Variants in ARHGAP20 observed in about 807,000 individuals in gnomAD.
ARHGAP20 encodes Rho GTPase activating protein 20.
A neutral mutation model predicts 73.7 loss-of-function variants in ARHGAP20; 34 were observed. The ratio of observed to expected loss-of-function variants is 0.46; its 90% CI spans 0.35 to 0.61. The LOEUF (loss-of-function observed/expected upper bound fraction) is 0.61. Ranked by LOEUF, ARHGAP20 falls within the 20% of genes least tolerant of loss-of-function variation. The pLI is 0.00. For missense variants in ARHGAP20, 1,314 were observed against 1,420.9 expected, an observed-to-expected ratio of 0.92 and a Z score of 1.21; for synonymous variants, 523 against 518.2, an observed-to-expected ratio of 1.01 and a Z score of -0.13.
chr11:110,636,033 T>C (rs1359475470), intron 2 of ARHGAP20, among the ~76,000 whole-genome samples: 2 of 152,144 alleles, frequency 1.3e-5, no homozygotes, highest in African/African-American at 2.4e-5. Flanking sequence ...AAATCATCTT[T>C]TGCATTTTGG....
rs904344387 is a variant in ARHGAP20, at chr11:110,712,383, C to A, written c.-152G>T. The A allele has an allele frequency of 9.2e-5, 44 of 480,258 alleles. No individual in the cohort carries two copies. In the Admixed American group the frequency reaches 1.0e-3, roughly 11 times the overall value. The allele number at this position is 480,258 out of a possible 1,614,324, so 29.7% of individuals were successfully genotyped here. ...CTCCGGGTGCTCGCCGCGCGCCTCC[C>A]GTCGGGGCCATGTACCTCCGCCTGC... is the stretch of plus-strand genomic sequence containing the variant. On this transcript the variant is annotated 5_prime_UTR_variant, in exon 1 of 15. Transcript: ENST00000683387.
chr11:110,649,201 CTTTTTT>C (rs869156175), intron 2 of ARHGAP20, among the ~76,000 whole-genome samples: 2 of 87,090 alleles, frequency 2.3e-5, no homozygotes, highest in Non-Finnish European at 4.3e-5. Context: ...ATTATTAAAC[CTTTTTT>C]TTTTTTTTTT....
chr11:110,607,541 G>A (rs1054143081), intron 8 of ARHGAP20, among the ~76,000 whole-genome samples: 3 of 152,098 alleles, frequency 2.0e-5, no homozygotes. Context: ...AGTACAGAGA[G>A]CAAGTTCCCT....
chr11:110,683,512 C>T (rs1950074896), intron 2 of ARHGAP20, among the ~76,000 whole-genome samples: 1 of 152,112 alleles, frequency 6.6e-6, no homozygotes, highest in Non-Finnish European at 1.5e-5. Flanking sequence ...TTCACTAATT[C>T]ATCCAACAAA....
At position 110,589,108 on chromosome 11, in the gene ARHGAP20, T is replaced by C. The variant is rs117552554; in HGVS notation, c.1305+1540A>G. ...AAACAAAAAAACACAAGCTTTACCT[T>C]TGTAAACTAAGAGATATATATAAAA... is the stretch of plus-strand genomic sequence containing the variant. On this transcript the variant is annotated intron_variant, in intron 11 of 14. Coordinates refer to ENST00000683387, the MANE Select transcript of ARHGAP20 (RefSeq NM_001384657.1). Among the ~76,000 whole-genome samples, 858 of 152,284 alleles carry C rather than the reference T, an allele frequency of 5.6e-3. 4 individuals carry two copies. Among genetic ancestry groups the C allele is most frequent in the Non-Finnish European group, 9.7e-3 (659 of 68,004 alleles).
At chr11:110,589,484 G>T (rs1261379518) in intron 11 of ARHGAP20, 6 of 985,436 alleles carry the variant, frequency 6.1e-6, no homozygotes, top group Non-Finnish European at 7.2e-6. Context: ...CCTTAACTTG[G>T]TTTTCACGTT....
chr11:110,698,028 A>G (rs1486745299), intron 1 of ARHGAP20, among the ~76,000 whole-genome samples: 1 of 151,662 alleles, frequency 6.6e-6, no homozygotes, highest in Admixed American at 6.6e-5. Flanking sequence ...TGGGCATTTT[A>G]ATGATACTGA....
intron 2 of ARHGAP20, among the ~76,000 whole-genome samples, chr11:110,689,219 T>A (rs969148803): frequency 2.6e-5 from 4 of 152,018 alleles, no homozygotes; most frequent in African/African-American, 9.7e-5. Context: ...GCCAGGATGG[T>A]CTCGATCTCC....
chr11:110,632,638 C>G (rs545969767), intron 2 of ARHGAP20, among the ~76,000 whole-genome samples: 8 of 152,206 alleles, frequency 5.3e-5, no homozygotes, highest in Non-Finnish European at 1.2e-4. Context: ...CTCATGACCT[C>G]AGATGATCTG....
chr11:110,711,858 G>T, intron 1 of ARHGAP20: 1 of 1,318,742 alleles, frequency 7.6e-7, no homozygotes, highest in Non-Finnish European at 9.6e-7. Flanking sequence ...ACCGGCGGCG[G>T]ATGGAGACGG....
In ARHGAP20 at chr11:110,580,667, C is replaced by T. The variant is rs142038774; in HGVS notation, c.2279G>A (p.Ser760Asn). Residue 760 changes from serine (S) to asparagine (N), a missense_variant, in exon 15 of 15, where the codon AGT becomes AAT. Around this residue, in one of 3 missense-constraint regions of ARHGAP20, gnomAD observed 641 missense variants for 636.9 expected, o/e 1.01. Coordinates refer to ENST00000683387, the MANE Select transcript of ARHGAP20 (RefSeq NM_001384657.1). ...GCTGACATCAGTGCCTGTGACTAAA[C>T]TCTGTTTAAAACATGTCTTTCCTTC... ...QEEGKTCFKQ[S>N]LVTGTDVSKK... is the part of the protein sequence containing the mutation. 71 of 1,614,122 alleles carry T rather than the reference C, an allele frequency of 4.4e-5. No individual in the cohort carries two copies. The Middle Eastern group carries it at 8.2e-4, about 19-fold the overall frequency.
chr11:110,666,134 A>C (rs1949719838), intron 2 of ARHGAP20, among the ~76,000 whole-genome samples: 1 of 152,200 alleles, frequency 6.6e-6, no homozygotes, highest in Non-Finnish European at 1.5e-5. Flanking sequence ...ACAGCATCAA[A>C]CAATATAAAA....
chr11:110,684,020 A>G (rs1456943539), intron 2 of ARHGAP20, among the ~76,000 whole-genome samples: 1 of 152,184 alleles, frequency 6.6e-6, no homozygotes. Flanking sequence ...TAGAAGTGGA[A>G]AGCAGCCTTC....
At chr11:110,700,760 C>T (rs1950432037) in intron 1 of ARHGAP20, among the ~76,000 whole-genome samples, 1 of 119,420 alleles carries the variant, frequency 8.4e-6, no homozygotes. Flanking sequence ...CCACAACAGT[C>T]CCCAGAGTGT....
intron 3 of ARHGAP20, among the ~76,000 whole-genome samples, chr11:110,628,300 G>A (rs1948788608): frequency 1.3e-5 from 2 of 151,990 alleles, no homozygotes; most frequent in Admixed American, 1.3e-4. Flanking sequence ...ATTGATCCAG[G>A]GTAACACTCA....
chr11:110,590,947 G>A lies in ARHGAP20; in HGVS notation c.1144-138C>T, dbSNP rs17407115. Reference sequence around the variant, plus strand: ...AAGGATTGGAGCTAAATAAATGGCCGGAAAAATTAAAGTCACCTTTTTGGA... The same window carrying A: ...AAGGATTGGAGCTAAATAAATGGCCAGAAAAATTAAAGTCACCTTTTTGGA... On this transcript the variant is annotated intron_variant, in intron 10 of 14. Coordinates refer to ENST00000683387, the MANE Select transcript of ARHGAP20 (RefSeq NM_001384657.1). 3.7e-3 allele frequency: 3,382 copies of A among 911,652 alleles called. 238 individuals are homozygous for A. In the Admixed American group the frequency reaches 0.1, roughly 27 times the overall value. The allele number at this position is 911,652 out of a possible 1,614,324, so 56.5% of individuals were successfully genotyped here. A position where few individuals can be genotyped will look rare whatever the true frequency, so the allele number is the denominator to read the frequency against.
At chr11:110,585,170 A>G (rs1947627900) in intron 12 of ARHGAP20, among the ~76,000 whole-genome samples, 1 of 151,818 alleles carries the variant, frequency 6.6e-6, no homozygotes, top group Admixed American at 6.6e-5. Flanking sequence ...TTCAACTTTG[A>G]AATTTCCTTT....
chr11:110,583,848 T>G, intron 12 of ARHGAP20, 111 bp from the exon 13 acceptor site: 12 of 860,418 alleles, frequency 1.4e-5, no homozygotes, highest in Non-Finnish European at 2.0e-5. Context: ...ACAGTTCAGA[T>G]ATGCAAGAGT....
intron 2 of ARHGAP20, among the ~76,000 whole-genome samples, chr11:110,669,145 T>C (rs1188351184): frequency 6.6e-6 from 1 of 152,146 alleles, no homozygotes; most frequent in East Asian, 1.9e-4. Flanking sequence ...ACTTGGCTCT[T>C]TGAAAAACAT....
Sources: allele counts gnomAD v4.1 joint callset (sites outside exome capture counted in the v4.1 genomes callset), GRCh38; gene constraint gnomAD v4.1.1; regional missense constraint gnomAD v4.1.1; transcripts MANE v1.5; gene names NCBI Gene and HGNC (gene_info 2026-07-23, HGNC 2026-07-21).